Variants in RCL1 observed in about 807,000 individuals in gnomAD.
RCL1 encodes RNA terminal phosphate cyclase like 1.
In RCL1, 24 loss-of-function variants were observed where a neutral mutation model predicts 42.4. That is an observed-to-expected ratio of 0.57 (90% confidence interval 0.41 to 0.80). The LOEUF (loss-of-function observed/expected upper bound fraction) is 0.80, where lower values mean the gene tolerates loss of function less well. Ranked by LOEUF, RCL1 falls within the 30% of genes least tolerant of loss-of-function variation. The pLI is 0.00. For synonymous variants in RCL1, 228 were observed against 177.3 expected (o/e 1.29, Z -2.27); for missense variants, 578 against 467.9 (o/e 1.24, Z -2.17).
chr9:4,824,346 A>G (rs909943242), intron 2 of RCL1, among the ~76,000 whole-genome samples: 22 of 147,900 alleles, frequency 1.5e-4, no homozygotes, highest in African/African-American at 5.2e-4. Context: ...CAGCAACATC[A>G]TGCTCTTCAT....
intron 1 of RCL1, among the ~76,000 whole-genome samples, chr9:4,814,030 G>T (rs1202695582): frequency 6.6e-6 from 1 of 152,088 alleles, no homozygotes; most frequent in Non-Finnish European, 1.5e-5. Flanking sequence ...ACACACCGGG[G>T]CCTGTCATGG....
intron 3 of RCL1, among the ~76,000 whole-genome samples, chr9:4,829,526 T>A (rs1238827265): frequency 6.6e-6 from 1 of 152,210 alleles, no homozygotes; most frequent in Non-Finnish European, 1.5e-5. Flanking sequence ...ATATAAGGAT[T>A]TCCAGTTGGC....
intron 5 of RCL1, among the ~76,000 whole-genome samples, chr9:4,839,291 G>A (rs1470625711): frequency 6.6e-6 from 1 of 152,164 alleles, no homozygotes; most frequent in Non-Finnish European, 1.5e-5. Flanking sequence ...GTGAGAGGAG[G>A]AAGATGCTTT....
chr9:4,800,819 A>G (rs1372213947), intron 1 of RCL1, among the ~76,000 whole-genome samples: 1 of 151,164 alleles, frequency 6.6e-6, no homozygotes, highest in Non-Finnish European at 1.5e-5. Context: ...CACCTGGCTA[A>G]TTTTTTATAT....
Position 4,844,563 on chromosome 9 carries a change from C to A in RCL1, c.749C>A (p.Thr250Asn), listed in dbSNP as rs760296247. The stretch of plus-strand genomic sequence containing the variant: ...GGGTTGTCACTGGTTGCTGAGACCA[C>A]CAGTGGCACCTTCCTCAGTGCTGAA... ...GFGLSLVAET[T>N]SGTFLSAELA... The change falls in exon 7 of 9, where the codon ACC (threonine) becomes AAC (asparagine). Residue 250 changes from threonine to asparagine, a missense_variant. Thr to Asn is a moderately conservative substitution (Grantham distance 65, BLOSUM62 0). Coordinates refer to ENST00000381750, the MANE Select transcript of RCL1 (RefSeq NM_005772.5). 1 of 1,613,650 alleles carries A rather than the reference C, an allele frequency of 6.2e-7. No individual in the cohort carries two copies. Among genetic ancestry groups the A allele is most frequent in the African/African-American group, 1.3e-5 (1 of 75,030 alleles).
At chr9:4,843,494 T>C (rs543667478) in intron 6 of RCL1, among the ~76,000 whole-genome samples, 144 of 152,210 alleles carry the variant, frequency 9.5e-4, no homozygotes, top group Non-Finnish European at 1.8e-3. Context: ...TTGGTCAGCC[T>C]AACTTGAAAT....
At chr9:4,828,640 G>C (rs1420969251) in intron 3 of RCL1, among the ~76,000 whole-genome samples, 1 of 151,766 alleles carries the variant, frequency 6.6e-6, no homozygotes, top group Admixed American at 6.6e-5. Flanking sequence ...GATTGGAAGA[G>C]AGAAAGGTGC....
Position 4,844,531 on chromosome 9 carries a change from G to A in RCL1, c.717G>A (p.Pro239=), listed in dbSNP as rs749284895. ...TGTGCCTTTGTATCTCCAGGTCTCC[G>A]GGCTTTGGGTTGTCACTGGTTGCTG... is the stretch of plus-strand genomic sequence containing the variant. ...HMKGVNSGKS[P]GFGLSLVAET... Residue 239 remains proline (P), a synonymous_variant, in exon 7 of 9, where the codon CCG becomes CCA. Transcript: ENST00000381750. 73 of 1,610,534 alleles carry A rather than the reference G, an allele frequency of 4.5e-5. No homozygotes were observed. The highest frequency in any genetic ancestry group is 5.9e-5 in the Non-Finnish European group (70 of 1,178,246).
At position 4,796,520 on chromosome 9, in the gene RCL1, T is replaced by C. The variant is rs199806155; in HGVS notation, c.136+3293T>C. Among the ~76,000 whole-genome samples the C allele has an allele frequency of 1.2e-4, 19 of 152,306 alleles. No individual in the cohort carries two copies. In the East Asian group the frequency reaches 3.5e-3, roughly 28 times the overall value. ...AGGTGATCCTCTCACGTTAGCTTCCTGAGTAGCTGGAACTACAGATGTGTA... is the reference window on the plus strand; with the variant it reads ...AGGTGATCCTCTCACGTTAGCTTCCCGAGTAGCTGGAACTACAGATGTGTA... On this transcript the variant is annotated intron_variant, in intron 1 of 8. Coordinates refer to ENST00000381750, the MANE Select transcript of RCL1 (RefSeq NM_005772.5).
rs1238195416 is a variant in RCL1, at chr9:4,854,414, T to A, written c.971+4864T>A. On this transcript the variant is annotated intron_variant, in intron 8 of 8. Transcript: ENST00000381750. ...ATCCTTTTCTTATCTCCAGATCTTT[T>A]CCCTCAACTTCCAGAGCATGTCCTT... Among the ~76,000 whole-genome samples the A allele has an allele frequency of 3.3e-5, 5 of 152,208 alleles. No individual in the cohort carries two copies. The South Asian group carries it at 1.0e-3, about 32-fold the overall frequency.
chr9:4,847,788 C>T (rs1817572283), intron 7 of RCL1, among the ~76,000 whole-genome samples: 1 of 152,260 alleles, frequency 6.6e-6, no homozygotes, highest in African/African-American at 2.4e-5. Flanking sequence ...TGCTTCTCCA[C>T]AGGCAGCAGT....
chr9:4,830,393 A>T (rs1816906591), intron 3 of RCL1, among the ~76,000 whole-genome samples: 1 of 152,198 alleles, frequency 6.6e-6, no homozygotes, highest in Non-Finnish European at 1.5e-5. Context: ...GTCCTTGCCG[A>T]AGTCCAGAGG....
chr9:4,825,823 T>C (rs886848259), intron 2 of RCL1, among the ~76,000 whole-genome samples: 1 of 151,860 alleles, frequency 6.6e-6, no homozygotes, highest in Non-Finnish European at 1.5e-5. Context: ...GTAAGAAGCT[T>C]TTTGGATAGC....
At chr9:4,821,393 A>G (rs1434888521) in intron 1 of RCL1, among the ~76,000 whole-genome samples, 2 of 152,170 alleles carry the variant, frequency 1.3e-5, no homozygotes, top group Non-Finnish European at 2.9e-5. Context: ...GACTAGGGCA[A>G]TCTAGTTGGC....
chr9:4,804,376 C>T (rs1211428209), intron 1 of RCL1: 3 of 152,434 alleles, frequency 2.0e-5, no homozygotes, highest in South Asian at 2.1e-4. Flanking sequence ...GCCCCCACTG[C>T]TGAGTGGGTG....
Position 4,853,969 on chromosome 9 carries a change from C to T in RCL1, c.971+4419C>T, listed in dbSNP as rs193215725. ...AACCAGTGGGGAAACTGGGAACTGC[C>T]GGCCAAGCCTGCCTCTACTTGGGGT... On this transcript the variant is annotated intron_variant, in intron 8 of 8. Transcript: ENST00000381750. 5.3e-5 allele frequency among the ~76,000 whole-genome samples: 8 copies of T among 152,242 alleles called. No individual in the cohort carries two copies. The East Asian group carries it at 7.7e-4, about 15-fold the overall frequency.
chr9:4,802,845 G>A (rs761427029), intron 1 of RCL1, among the ~76,000 whole-genome samples: 21 of 152,244 alleles, frequency 1.4e-4, no homozygotes, highest in African/African-American at 2.6e-4. Context: ...TTTTAAGACA[G>A]GGTCTTGCTC....
chr9:4,801,907 A>G (rs1035436894), intron 1 of RCL1, among the ~76,000 whole-genome samples: 15 of 151,128 alleles, frequency 9.9e-5, no homozygotes, highest in African/African-American at 3.4e-4. Flanking sequence ...CCAACACGAC[A>G]CAGTCTTTTT....
intron 1 of RCL1, among the ~76,000 whole-genome samples, chr9:4,816,322 C>G (rs1056371656): frequency 1.3e-5 from 2 of 152,172 alleles, no homozygotes; most frequent in African/African-American, 2.4e-5. Context: ...AACAATACTT[C>G]ATAGTTTTAA....
Sources: allele counts gnomAD v4.1 joint callset (sites outside exome capture counted in the v4.1 genomes callset), GRCh38; gene constraint gnomAD v4.1.1; transcripts MANE v1.5; gene names NCBI Gene and HGNC (gene_info 2026-07-23, HGNC 2026-07-21).